The following DENND1B variants were observed in gnomAD, a reference collection of about 807,000 sequenced individuals.
DENND1B encodes DENN domain containing 1B.
Under a neutral mutation model 90.1 loss-of-function variants are expected in DENND1B, and 59 were observed. That is an observed-to-expected ratio of 0.65 (90% CI 0.53 to 0.81). DENND1B has a LOEUF of 0.81. Ranked by LOEUF, DENND1B falls within the 40% of genes least tolerant of loss-of-function variation. The pLI is 0.00. For synonymous variants in DENND1B, 337 were observed against 324.6 expected, an observed-to-expected ratio of 1.04 and a Z score of -0.41; for missense variants, 862 against 912.6, an observed-to-expected ratio of 0.94 and a Z score of 0.71.
intron 14 of DENND1B, among the ~76,000 whole-genome samples, chr1:197,592,203 C>T (rs1299041701): frequency 1.4e-5 from 2 of 142,798 alleles, no homozygotes; most frequent in African/African-American, 5.2e-5. Flanking sequence ...GTGAAAAAAA[C>T]AGATTCAAAC....
At chr1:197,757,023 C>T in intron 2 of DENND1B, among the ~76,000 whole-genome samples, 1 of 150,774 alleles carries the variant, frequency 6.6e-6, no homozygotes, top group South Asian at 2.1e-4. Flanking sequence ...TATACACAGA[C>T]ACATATATGT....
chr1:197,549,460 G>T (rs1375847652), intron 16 of DENND1B, among the ~76,000 whole-genome samples: 1 of 152,098 alleles, frequency 6.6e-6, no homozygotes, highest in Non-Finnish European at 1.5e-5. Context: ...ACACATGCTA[G>T]TGATAGAGAG....
chr1:197,598,468 C>T (rs990012135), intron 13 of DENND1B, among the ~76,000 whole-genome samples: 5 of 151,770 alleles, frequency 3.3e-5, no homozygotes, highest in Admixed American at 2.6e-4. Flanking sequence ...GTTACCAATG[C>T]CCTTTGCAGT....
At chr1:197,524,832 G>C (rs1321098418) in intron 20 of DENND1B, among the ~76,000 whole-genome samples, 1 of 151,952 alleles carries the variant, frequency 6.6e-6, no homozygotes, top group Non-Finnish European at 1.5e-5. Flanking sequence ...TGCTAAGTTG[G>C]GGTCTGTTCT....
chr1:197,574,055 T>G (rs1019878225), intron 15 of DENND1B, among the ~76,000 whole-genome samples: 26 of 151,604 alleles, frequency 1.7e-4, no homozygotes, highest in African/African-American at 5.6e-4. Flanking sequence ...GGATGCCCTC[T>G]CTCCTATTCA....
At chr1:197,762,666 T>C (rs1408960035) in intron 2 of DENND1B, among the ~76,000 whole-genome samples, 1 of 152,176 alleles carries the variant, frequency 6.6e-6, no homozygotes, top group African/African-American at 2.4e-5. Flanking sequence ...ATTCTATATA[T>C]CTGCTATTTT....
chr1:197,542,899 C>T (rs116600871), intron 18 of DENND1B, among the ~76,000 whole-genome samples: 3,732 of 151,186 alleles, frequency 0.025, 155 homozygotes, highest in African/African-American at 0.085. Flanking sequence ...GGGAACAATC[C>T]TCCAGAGTAG....
intron 10 of DENND1B, among the ~76,000 whole-genome samples, chr1:197,627,378 G>A (rs1047141757): frequency 9.2e-5 from 14 of 151,972 alleles, no homozygotes; most frequent in African/African-American, 2.4e-4. Context: ...TTCAATACAC[G>A]CAAATCAATA....
chr1:197,671,372 C>G lies in DENND1B; in HGVS notation c.296+665G>C, dbSNP rs139868081. On this transcript the variant is annotated intron_variant, in intron 5 of 22. Transcript: ENST00000620048. ...CAGGAGACATACTCTAAACTACCTACTGAATCAAGGCAGATAATGTAAGCA... is the reference window on the plus strand; with the variant it reads ...CAGGAGACATACTCTAAACTACCTAGTGAATCAAGGCAGATAATGTAAGCA... Among the ~76,000 whole-genome samples the G allele has an allele frequency of 5.3e-3, 812 of 152,224 alleles. 9 individuals are homozygous for G. The highest frequency in any genetic ancestry group is 0.019 in the African/African-American group (776 of 41,526).
intron 3 of DENND1B, among the ~76,000 whole-genome samples, chr1:197,691,874 T>TA (rs1657923580): frequency 6.6e-6 from 1 of 151,878 alleles, no homozygotes; most frequent in Non-Finnish European, 1.5e-5. Context: ...AGACAAATAC[T>TA]GCATGATTCC....
At chr1:197,683,339 T>A (rs559563972) in intron 3 of DENND1B, among the ~76,000 whole-genome samples, 1 of 152,224 alleles carries the variant, frequency 6.6e-6, no homozygotes, top group South Asian at 2.1e-4. Context: ...AGGGATATGA[T>A]TGGACTTCAA....
At chr1:197,596,217 T>C (rs1465155486) in intron 13 of DENND1B, among the ~76,000 whole-genome samples, 2 of 152,080 alleles carry the variant, frequency 1.3e-5, no homozygotes, top group Non-Finnish European at 2.9e-5. Flanking sequence ...CATTTTTCTA[T>C]CTTTTAAGTG....
chr1:197,577,263 A>G (rs981520), intron 15 of DENND1B, among the ~76,000 whole-genome samples: 145,883 of 152,238 alleles, frequency 0.96, 70,199 homozygotes, highest in South Asian at 1. Flanking sequence ...GTTGACATTC[A>G]AACTATTATA....
rs186753729 is a variant in DENND1B, at chr1:197,672,106, A to G, written c.227T>C (p.Ile76Thr). ...GAATCCAAATCTCTGTTTACTTTCAATGTCTGTCAGTACAAAGGTAAAGTG... is the reference window on the plus strand; with the variant it reads ...GAATCCAAATCTCTGTTTACTTTCAGTGTCTGTCAGTACAAAGGTAAAGTG... ...GQHFTFVLTD[I>T]ESKQRFGFCR... Residue 76 changes from isoleucine to threonine, a missense_variant, in exon 5 of 23, where the codon ATT becomes ACT. Physicochemically the swap from Ile to Thr is moderately conservative, Grantham distance 89. Transcript: ENST00000620048. 6.2e-7 allele frequency: 1 copy of G among 1,612,794 alleles called. No homozygotes were observed. Among genetic ancestry groups the G allele is most frequent in the African/African-American group, 1.3e-5 (1 of 74,960 alleles).
intron 2 of DENND1B, among the ~76,000 whole-genome samples, chr1:197,760,168 T>C (rs1404834698): frequency 6.6e-6 from 1 of 151,936 alleles, no homozygotes; most frequent in Non-Finnish European, 1.5e-5. Flanking sequence ...TCCAGAAGAG[T>C]TCAGTGACTT....
At chr1:197,642,001 T>C (rs1233957658) in intron 10 of DENND1B, among the ~76,000 whole-genome samples, 3 of 152,116 alleles carry the variant, frequency 2.0e-5, no homozygotes, top group Non-Finnish European at 4.4e-5. Context: ...AAACTATATT[T>C]AAATTTGTAT....
chr1:197,511,982 C>G (rs948018237), intron 21 of DENND1B, 38 bp from the exon 22 acceptor site: 1 of 1,495,626 alleles, frequency 6.7e-7, no homozygotes, highest in Non-Finnish European at 9.1e-7. Context: ...AGGTAAATAA[C>G]CATATTTGCT....
At chr1:197,514,883 G>T (rs1486637173) in intron 20 of DENND1B, among the ~76,000 whole-genome samples, 1 of 151,556 alleles carries the variant, frequency 6.6e-6, no homozygotes, top group Non-Finnish European at 1.5e-5. Flanking sequence ...CCTGGAATCA[G>T]CCATTTCTTC....
chr1:197,553,034 C>A lies in DENND1B; in HGVS notation c.1228G>T (p.Gly410Cys). Residue 410 changes from glycine to cysteine, a missense_variant, in exon 16 of 23, where the codon GGC becomes TGC. Coordinates refer to ENST00000620048, the MANE Select transcript of DENND1B (RefSeq NM_001195215.2). ...AACTTGTCTTTACCTCCACAAAAGC[C>A]ACCTGAAGTGATCTCTTCTTCAAAT... ...DVFEEEITSG[G>C]FCGGNPRSYQ... 2 of 1,571,926 alleles carry A rather than the reference C, an allele frequency of 1.3e-6. No individual in the cohort carries two copies. The highest frequency in any genetic ancestry group is 1.7e-6 in the Non-Finnish European group (2 of 1,165,684).
Sources: gnomAD v4.1 joint callset for allele counts (sites outside exome capture counted in the v4.1 genomes callset) on GRCh38, gnomAD v4.1.1 for gene constraint, MANE v1.5 for transcripts, NCBI Gene and HGNC (gene_info 2026-07-23, HGNC 2026-07-21) for gene names.